The following ZBTB7C variants were observed in gnomAD, a reference collection of about 807,000 sequenced individuals.
ZBTB7C encodes the protein zinc finger and BTB domain containing 7C, also known as zinc finger and BTB domain-containing protein 7C.
In ZBTB7C, 8 loss-of-function variants were observed where a neutral mutation model predicts 25.7. The observed-to-expected ratio is 0.31, with a 90% CI of 0.18 to 0.56. The LOEUF (loss-of-function observed/expected upper bound fraction) is 0.56, where lower values mean the gene tolerates loss of function less well. ZBTB7C is among the 20% of genes least tolerant of loss of function. The pLI is 0.91. For synonymous variants in ZBTB7C, 394 were observed against 369.0 expected (o/e 1.07, Z -0.78); for missense variants, 824 against 855.2 (o/e 0.96, Z 0.46).
intron 2 of ZBTB7C, among the ~76,000 whole-genome samples, chr18:48,236,296 A>G (rs749467561): frequency 6.6e-6 from 1 of 152,220 alleles, no homozygotes; most frequent in Non-Finnish European, 1.5e-5. Flanking sequence ...ACTTTGGTGT[A>G]AGGCCAATGT....
rs7230309 is a variant in ZBTB7C at position 48,234,693 on chromosome 18, T to C, written c.-78-48698A>G. 1.1e-3 allele frequency among the ~76,000 whole-genome samples: 172 copies of C among 152,350 alleles called. 1 individual carries two copies. The highest frequency in any genetic ancestry group is 4.1e-3 in the African/African-American group (169 of 41,586). On this transcript the variant is annotated intron_variant, in intron 2 of 4. Coordinates refer to ENST00000590800, the MANE Select transcript of ZBTB7C (RefSeq NM_001318841.2). ...GAATATGTATTCTCAATTGGACATA[T>C]AGCCACTACTTTAAACATCTTCATT...
At chr18:48,204,271 G>A (rs755392639) in intron 2 of ZBTB7C, among the ~76,000 whole-genome samples, 3 of 152,104 alleles carry the variant, frequency 2.0e-5, no homozygotes, top group Admixed American at 6.6e-5. Flanking sequence ...CCAACTCTGC[G>A]CATGCCCAGT....
intron 3 of ZBTB7C, among the ~76,000 whole-genome samples, chr18:48,119,901 C>A (rs1310954236): frequency 8.5e-5 from 13 of 152,172 alleles, no homozygotes; most frequent in Admixed American, 8.5e-4. Flanking sequence ...TGAGAGAAGG[C>A]ACTTTGAGTC....
intron 1 of ZBTB7C, among the ~76,000 whole-genome samples, chr18:48,386,694 C>T (rs2047756375): frequency 6.6e-6 from 1 of 152,196 alleles, no homozygotes; most frequent in Non-Finnish European, 1.5e-5. Context: ...CCACACATTG[C>T]CCCGTCTCTG....
At chr18:48,068,500 A>C (rs938245816) in intron 3 of ZBTB7C, among the ~76,000 whole-genome samples, 3 of 151,968 alleles carry the variant, frequency 2.0e-5, no homozygotes, top group Non-Finnish European at 2.9e-5. Context: ...GTTAAAAAAA[A>C]AACAACAAAA....
chr18:48,225,437 G>T (rs989581741), intron 2 of ZBTB7C, among the ~76,000 whole-genome samples: 20 of 152,252 alleles, frequency 1.3e-4, no homozygotes, highest in African/African-American at 4.6e-4. Flanking sequence ...CATGGAAACT[G>T]CCTGCTGCGT....
At chr18:48,367,324 G>GTA (rs556864225) in intron 1 of ZBTB7C, among the ~76,000 whole-genome samples, 3,086 of 113,302 alleles carry the variant, frequency 0.027, 198 homozygotes, top group African/African-American at 0.1. Flanking sequence ...ATATATGTGT[G>GTA]TATATATATA....
intron 3 of ZBTB7C, among the ~76,000 whole-genome samples, chr18:48,132,780 C>T (rs767812242): frequency 7.9e-5 from 12 of 152,202 alleles, no homozygotes; most frequent in Non-Finnish European, 1.3e-4. Context: ...GAAAGACCAA[C>T]GGACCAACCT....
At chr18:48,357,793 T>C (rs960647913) in intron 1 of ZBTB7C, among the ~76,000 whole-genome samples, 2 of 152,214 alleles carry the variant, frequency 1.3e-5, no homozygotes, top group African/African-American at 4.8e-5. Flanking sequence ...GTCCACTAAT[T>C]CTTCTCCTCA....
At chr18:48,382,990 G>A (rs374338352) in intron 1 of ZBTB7C, among the ~76,000 whole-genome samples, 21 of 152,132 alleles carry the variant, frequency 1.4e-4, no homozygotes, top group African/African-American at 3.6e-4. Context: ...CAAATTTGGC[G>A]TGATATTTTC....
chr18:48,387,940 C>T (rs2047789484), intron 1 of ZBTB7C, among the ~76,000 whole-genome samples: 1 of 152,188 alleles, frequency 6.6e-6, no homozygotes, highest in African/African-American at 2.4e-5. Flanking sequence ...GATTCTCCTG[C>T]CTCAGCCTCC....
chr18:48,259,269 C>T (rs1210112226), intron 2 of ZBTB7C, among the ~76,000 whole-genome samples: 1 of 125,976 alleles, frequency 7.9e-6, no homozygotes, highest in Non-Finnish European at 1.6e-5. Flanking sequence ...TGATTTTTGA[C>T]AAGAGTGTAA....
chr18:48,315,130 A>C (rs955391017), intron 2 of ZBTB7C, among the ~76,000 whole-genome samples: 1 of 152,186 alleles, frequency 6.6e-6, no homozygotes, highest in Admixed American at 6.5e-5. Context: ...TTCAGAAGCC[A>C]GGGGAGTTGA....
At position 48,245,079 on chromosome 18, in the gene ZBTB7C, A is replaced by AGT. The variant is rs375402994; in HGVS notation, c.-78-59086_-78-59085dup. On this transcript the variant is annotated intron_variant, in intron 2 of 4. Transcript: ENST00000590800. ...TCAATCAACAAGTGGAAAAAAAAGT[A>AGT]GTGTGTGTGTGTGTATATATATATA... 3.0e-4 allele frequency among the ~76,000 whole-genome samples: 20 copies of AGT among 66,310 alleles called. 1 individual carries two copies. The highest frequency in any genetic ancestry group is 1.2e-3 in the African/African-American group (19 of 16,456). 43.5% of individuals were successfully genotyped at this position (66,310 alleles called of 152,430 possible).
intron 2 of ZBTB7C, among the ~76,000 whole-genome samples, chr18:48,265,958 T>C (rs1165255573): frequency 6.6e-6 from 1 of 152,074 alleles, no homozygotes; most frequent in Non-Finnish European, 1.5e-5. Context: ...AATTTCCTGG[T>C]TTTGGTGGCT....
intron 2 of ZBTB7C, among the ~76,000 whole-genome samples, chr18:48,318,239 C>CA (rs1196591008): frequency 9.9e-5 from 15 of 152,190 alleles, no homozygotes; most frequent in Middle Eastern, 6.8e-3. Context: ...AAAAAACAAC[C>CA]AAAAAACAAA....
chr18:48,059,878 C>T (rs947572275), intron 3 of ZBTB7C, among the ~76,000 whole-genome samples: 6 of 152,194 alleles, frequency 3.9e-5, no homozygotes, highest in African/African-American at 1.2e-4. Flanking sequence ...TCCATCCCCC[C>T]ACCCGCCCAG....
intron 3 of ZBTB7C, among the ~76,000 whole-genome samples, chr18:48,114,903 A>AT (rs987300422): frequency 1.3e-5 from 2 of 152,144 alleles, no homozygotes; most frequent in African/African-American, 4.8e-5. Flanking sequence ...TCCGTTTTTT[A>AT]TTTTTTGGGA....
At chr18:48,376,862 C>A (rs576093697) in intron 1 of ZBTB7C, among the ~76,000 whole-genome samples, 80 of 152,364 alleles carry the variant, frequency 5.3e-4, no homozygotes, top group African/African-American at 1.8e-3. Flanking sequence ...TCGCCTGTCT[C>A]CTGCCCAACA....
Sources: allele counts gnomAD v4.1 joint callset (sites outside exome capture counted in the v4.1 genomes callset), GRCh38; gene constraint gnomAD v4.1.1; transcripts MANE v1.5; gene names NCBI Gene and HGNC (gene_info 2026-07-23, HGNC 2026-07-21).